The following GALNT13 variants were observed in gnomAD, a reference collection of about 807,000 sequenced individuals.
GALNT13 encodes UDP-GalNAc:polypeptide N-acetylgalactosaminyltransferase 13.
In GALNT13, 28 loss-of-function variants were observed where a neutral mutation model predicts 64.2. The ratio of observed to expected loss-of-function variants is 0.44; its 90% confidence interval spans 0.32 to 0.60. The LOEUF (loss-of-function observed/expected upper bound fraction) is 0.60, where lower values mean the gene tolerates loss of function less well. Ranked by LOEUF, GALNT13 falls within the 20% of genes least tolerant of loss-of-function variation. The pLI is 0.05. For missense variants in GALNT13, 577 were observed against 669.8 expected (o/e 0.86, Z 1.53); for synonymous variants, 214 against 224.6 (o/e 0.95, Z 0.42).
At chr2:153,808,397 T>C in the GALNT13 span, among the ~76,000 whole-genome samples, 1 of 152,172 alleles carries the variant, frequency 6.6e-6, no homozygotes, top group Non-Finnish European at 1.5e-5. Flanking sequence ...GCCCATTTTT[T>C]CTTTCTACTC....
chr2:153,342,051 G>T, the GALNT13 span, among the ~76,000 whole-genome samples: 1 of 152,120 alleles, frequency 6.6e-6, no homozygotes, highest in African/African-American at 2.4e-5. Context: ...TCAGCAAAGA[G>T]GATATGTCAT....
At chr2:154,004,357 C>T (rs927764576) in intron 3 of GALNT13, among the ~76,000 whole-genome samples, 16 of 152,034 alleles carry the variant, frequency 1.1e-4, no homozygotes, top group East Asian at 1.9e-4. Context: ...AGGCATGCAT[C>T]GCCACGCCCA....
chr2:153,949,269 A>G (rs2105397789), intron 3 of GALNT13, among the ~76,000 whole-genome samples: 1 of 152,268 alleles, frequency 6.6e-6, no homozygotes, highest in Middle Eastern at 3.4e-3. Context: ...TCCTTATGCA[A>G]CGAATGACTG....
intron 7 of GALNT13, among the ~76,000 whole-genome samples, chr2:154,254,733 A>G (rs1690276967): frequency 6.6e-6 from 1 of 152,222 alleles, no homozygotes; most frequent in South Asian, 2.1e-4. Flanking sequence ...CACACTGAAC[A>G]GAGTCAAAGG....
At chr2:154,292,807 A>G (rs1289860288) in intron 8 of GALNT13, among the ~76,000 whole-genome samples, 2 of 152,218 alleles carry the variant, frequency 1.3e-5, no homozygotes, top group African/African-American at 4.8e-5. Context: ...CAACAGCTGT[A>G]AAATTAGAAA....
chr2:153,288,752 T>C, the GALNT13 span, among the ~76,000 whole-genome samples: 12,443 of 152,252 alleles, frequency 0.082, 578 homozygotes, highest in South Asian at 0.12. Flanking sequence ...ATAAAGTTTA[T>C]CATAGGTATG....
the GALNT13 span, among the ~76,000 whole-genome samples, chr2:153,679,724 C>T: frequency 6.6e-6 from 1 of 151,768 alleles, no homozygotes. Context: ...ACGCTTTTAC[C>T]AGTAATTTAG....
the GALNT13 span, chr2:153,478,433 C>T: frequency 1.2e-6 from 2 of 1,614,002 alleles, no homozygotes; most frequent in East Asian, 4.5e-5. Context: ...TCGTCCGGGC[C>T]TCCCTCCGCG....
the GALNT13 span, among the ~76,000 whole-genome samples, chr2:153,491,179 T>C: frequency 6.6e-6 from 1 of 152,112 alleles, no homozygotes; most frequent in African/African-American, 2.4e-5. Context: ...AACACAACAA[T>C]AATTATTCTT....
chr2:154,153,359 A>G (rs1190861078), intron 4 of GALNT13, among the ~76,000 whole-genome samples: 1 of 152,148 alleles, frequency 6.6e-6, no homozygotes, highest in Admixed American at 6.5e-5. Flanking sequence ...CCTCCCAGTT[A>G]GGCTGCTCGG....
the GALNT13 span, among the ~76,000 whole-genome samples, chr2:153,589,379 A>T: frequency 1.3e-5 from 2 of 152,120 alleles, no homozygotes; most frequent in Admixed American, 1.3e-4. Context: ...CCATGTAACA[A>T]GTCTTTAGGG....
chr2:153,590,399 A>G, the GALNT13 span, among the ~76,000 whole-genome samples: 1 of 152,156 alleles, frequency 6.6e-6, no homozygotes, highest in Non-Finnish European at 1.5e-5. Context: ...AAATTCTACC[A>G]AATATACAAA....
chr2:153,818,618 G>T, the GALNT13 span, among the ~76,000 whole-genome samples: 1 of 152,124 alleles, frequency 6.6e-6, no homozygotes, highest in East Asian at 1.9e-4. Flanking sequence ...CTTTTCTCTG[G>T]TACAAAACTC....
intron 3 of GALNT13, among the ~76,000 whole-genome samples, chr2:154,029,797 A>G (rs1698225710): frequency 6.6e-6 from 1 of 152,188 alleles, no homozygotes; most frequent in South Asian, 2.1e-4. Context: ...TTAAAGACTC[A>G]AATGGAAAAA....
At chr2:153,857,366 C>A in the GALNT13 span, among the ~76,000 whole-genome samples, 1 of 151,994 alleles carries the variant, frequency 6.6e-6, no homozygotes, top group Non-Finnish European at 1.5e-5. Flanking sequence ...TGTTATACTT[C>A]AAGACATAAG....
the GALNT13 span, among the ~76,000 whole-genome samples, chr2:153,364,389 G>A: frequency 1.3e-5 from 2 of 151,772 alleles, no homozygotes; most frequent in Non-Finnish European, 2.9e-5. Context: ...TCTGGCCAAG[G>A]CAATCAGGCA....
the GALNT13 span, among the ~76,000 whole-genome samples, chr2:153,331,759 C>G: frequency 6.6e-6 from 1 of 151,990 alleles, no homozygotes; most frequent in Non-Finnish European, 1.5e-5. Context: ...ACAGACATAC[C>G]CAAGATCAAT....
the GALNT13 span, among the ~76,000 whole-genome samples, chr2:153,166,018 C>G: frequency 6.6e-6 from 1 of 152,124 alleles, no homozygotes; most frequent in Admixed American, 6.5e-5. Context: ...AATATCATGT[C>G]TCTGGTAATA....
chr2:154,122,213 TA>T (rs989769631), intron 3 of GALNT13, among the ~76,000 whole-genome samples: 2 of 152,044 alleles, frequency 1.3e-5, no homozygotes, highest in Non-Finnish European at 1.5e-5. Flanking sequence ...TTATTTATTA[TA>T]TTTTTTTTGT....
Sources: gnomAD v4.1 joint callset for allele counts (sites outside exome capture counted in the v4.1 genomes callset) on GRCh38, gnomAD v4.1.1 for gene constraint, MANE v1.5 for transcripts, NCBI Gene and HGNC (gene_info 2026-07-23, HGNC 2026-07-21) for gene names.